LIMCH1: variants seen among roughly 807,000 people sequenced by gnomAD.
LIMCH1 encodes LIM and calponin homology domains-containing protein 1.
Under a neutral mutation model 176.5 loss-of-function variants are expected in LIMCH1, and 113 were observed. That is an observed-to-expected ratio of 0.64 (90% CI 0.55 to 0.75). The LOEUF (loss-of-function observed/expected upper bound fraction) is 0.75. LIMCH1 is among the 30% of genes least tolerant of loss of function. The pLI is 0.00. For missense variants in LIMCH1, 1,674 were observed against 1,814.9 expected, an observed-to-expected ratio of 0.92 and a Z score of 1.41; for synonymous variants, 619 against 645.9, an observed-to-expected ratio of 0.96 and a Z score of 0.63.
rs149885864 is a variant in LIMCH1 at position 41,523,891 on chromosome 4, C to G, written c.168-518C>G. On this transcript the variant is annotated intron_variant, in intron 2 of 26. Coordinates refer to the LIMCH1 transcript ENST00000313860. ...TGGCTAACCTCTTATTAAACACATT[C>G]TTCCCTTTTTAAAGTGAAACTCAAC... 1.4e-3 allele frequency among the ~76,000 whole-genome samples: 214 copies of G among 152,316 alleles called. 1 individual carries two copies. Among genetic ancestry groups the G allele is most frequent in the African/African-American group, 5.0e-3 (206 of 41,574 alleles).
At chr4:41,636,347 T>A in intron 13 of LIMCH1, among the ~76,000 whole-genome samples, 1 of 149,526 alleles carries the variant, frequency 6.7e-6, no homozygotes, top group Non-Finnish European at 1.5e-5. Flanking sequence ...TTACTTTTTT[T>A]TTTTTTTTTT....
At chr4:41,654,786 A>T (rs573561517) in intron 18 of LIMCH1, among the ~76,000 whole-genome samples, 4 of 152,268 alleles carry the variant, frequency 2.6e-5, no homozygotes, top group African/African-American at 9.6e-5. Flanking sequence ...AGAGGTGATG[A>T]GGGTGCTGTA....
At chr4:41,648,424 G>A (rs1270927060) in intron 17 of LIMCH1, among the ~76,000 whole-genome samples, 2 of 151,860 alleles carry the variant, frequency 1.3e-5, no homozygotes, top group Non-Finnish European at 2.9e-5. Flanking sequence ...TTCCATGGAG[G>A]GGGTTATTAG....
intron 1 of LIMCH1, among the ~76,000 whole-genome samples, chr4:41,463,171 TAAA>T: frequency 6.7e-6 from 1 of 149,258 alleles, no homozygotes; most frequent in South Asian, 2.1e-4. Flanking sequence ...AAAAATTCAT[TAAA>T]AAAAAAAACT....
At chr4:41,582,945 G>T (rs1033625801) in intron 1 of LIMCH1, among the ~76,000 whole-genome samples, 1 of 152,112 alleles carries the variant, frequency 6.6e-6, no homozygotes, top group Non-Finnish European at 1.5e-5. Flanking sequence ...TTTTATTGTG[G>T]TAAAATATAC....
At chr4:41,433,171 C>T (rs2061748797) in intron 1 of LIMCH1, among the ~76,000 whole-genome samples, 1 of 152,048 alleles carries the variant, frequency 6.6e-6, no homozygotes, top group South Asian at 2.1e-4. Context: ...TGAGGGAGGG[C>T]ATTTAGTGAA....
intron 4 of LIMCH1, chr4:41,613,194 T>A: frequency 5.3e-6 from 4 of 751,332 alleles, no homozygotes; most frequent in Non-Finnish European, 8.1e-6. Flanking sequence ...TTCTCTACTC[T>A]TTTTTTTTTA....
intron 1 of LIMCH1, among the ~76,000 whole-genome samples, chr4:41,485,625 G>C (rs140933478): frequency 1.3e-5 from 2 of 152,244 alleles, no homozygotes; most frequent in East Asian, 1.9e-4. Context: ...GTTTTTGTCC[G>C]TGCATGCCCA....
intron 1 of LIMCH1, among the ~76,000 whole-genome samples, chr4:41,491,260 C>T (rs540491978): frequency 4.5e-4 from 68 of 149,972 alleles, no homozygotes; most frequent in Admixed American, 3.6e-3. Context: ...AGGCGCTCCT[C>T]ACCTCCTAGA....
chr4:41,576,602 G>C (rs1198491738), intron 1 of LIMCH1, among the ~76,000 whole-genome samples: 2 of 152,150 alleles, frequency 1.3e-5, no homozygotes, highest in African/African-American at 4.8e-5. Context: ...TTTATGGTTA[G>C]GATGATCATT....
chr4:41,413,339 C>CT (rs1026550570), intron 1 of LIMCH1, among the ~76,000 whole-genome samples: 11 of 149,880 alleles, frequency 7.3e-5, no homozygotes, highest in Admixed American at 5.4e-4. Flanking sequence ...TACAATTTGA[C>CT]TTTTTTTTGA....
At chr4:41,669,380 C>T (rs2094937447) in intron 21 of LIMCH1, among the ~76,000 whole-genome samples, 1 of 152,178 alleles carries the variant, frequency 6.6e-6, no homozygotes, top group South Asian at 2.1e-4. Context: ...CAGAAATAAA[C>T]TACTCTCGAA....
At chr4:41,490,460 G>A (rs2070586167) in intron 1 of LIMCH1, among the ~76,000 whole-genome samples, 1 of 152,084 alleles carries the variant, frequency 6.6e-6, no homozygotes, top group Non-Finnish European at 1.5e-5. Context: ...GGGTGCTTGA[G>A]GTTAGGGAGT....
At chr4:41,424,953 T>C (rs1436778421) in intron 1 of LIMCH1, among the ~76,000 whole-genome samples, 2 of 152,186 alleles carry the variant, frequency 1.3e-5, no homozygotes, top group Non-Finnish European at 2.9e-5. Flanking sequence ...GGTGTCTGTT[T>C]TAGATCCTGA....
intron 1 of LIMCH1, among the ~76,000 whole-genome samples, chr4:41,470,786 T>C (rs1299816778): frequency 3.3e-5 from 5 of 152,068 alleles, no homozygotes; most frequent in Non-Finnish European, 7.4e-5. Context: ...CCTCTTCTCT[T>C]GCACACTCCA....
chr4:41,560,565 C>G (rs537525801), intron 1 of LIMCH1, among the ~76,000 whole-genome samples: 1 of 152,320 alleles, frequency 6.6e-6, no homozygotes, highest in African/African-American at 2.4e-5. Context: ...ACTCCCCTCT[C>G]TATTGTCTTT....
At chr4:41,577,258 A>G (rs2084649554) in intron 1 of LIMCH1, among the ~76,000 whole-genome samples, 1 of 152,166 alleles carries the variant, frequency 6.6e-6, no homozygotes, top group African/African-American at 2.4e-5. Context: ...GAAACTTTAC[A>G]GTATACCCGT....
At chr4:41,661,298 G>A in intron 18 of LIMCH1, 122 bp from the exon 19 acceptor site, 1 of 678,144 alleles carries the variant, frequency 1.5e-6, no homozygotes, top group Non-Finnish European at 2.6e-6. Context: ...TGCCTGGGAA[G>A]TAGAAGAGGG....
intron 1 of LIMCH1, among the ~76,000 whole-genome samples, chr4:41,439,354 G>A (rs755978226): frequency 1.3e-5 from 2 of 152,220 alleles, no homozygotes; most frequent in Non-Finnish European, 2.9e-5. Context: ...GGAAGGCCAA[G>A]GTGCATGGAT....
Sources: allele counts gnomAD v4.1 joint callset (sites outside exome capture counted in the v4.1 genomes callset), GRCh38; gene constraint gnomAD v4.1.1; transcripts MANE v1.5; gene names NCBI Gene and HGNC (gene_info 2026-07-23, HGNC 2026-07-21).